Variants in DIP2C observed in about 807,000 individuals in gnomAD.
DIP2C encodes the protein disco-interacting protein 2 homolog C.
DIP2C carries 33 observed loss-of-function variants against 192.4 expected under a neutral mutation model. The observed-to-expected ratio is 0.17, with a 90% confidence interval of 0.13 to 0.23. The LOEUF is 0.23. DIP2C is among the 10% of genes least tolerant of loss of function. The pLI, the probability that DIP2C is intolerant of heterozygous loss-of-function variation, is 1.00. For synonymous variants in DIP2C, 979 were observed against 864.1 expected, an observed-to-expected ratio of 1.13 and a Z score of -2.33; for missense variants, 1,537 against 2,110.1, an observed-to-expected ratio of 0.73 and a Z score of 5.32.
At chr10:512,924 A>AG (rs1479984577) in intron 1 of DIP2C, among the ~76,000 whole-genome samples, 1 of 115,730 alleles carries the variant, frequency 8.6e-6, no homozygotes, top group Non-Finnish European at 1.7e-5. Flanking sequence ...CACTTCAGGA[A>AG]AAAAAAAAAA....
intron 1 of DIP2C, among the ~76,000 whole-genome samples, chr10:626,240 G>A (rs912249415): frequency 5.3e-5 from 8 of 152,298 alleles, no homozygotes; most frequent in Middle Eastern, 3.4e-3. Context: ...AAACTGGGGC[G>A]GAAACACCAG....
chr10:318,152 G>A (rs1228339748), intron 31 of DIP2C, among the ~76,000 whole-genome samples: 2 of 152,150 alleles, frequency 1.3e-5, no homozygotes, highest in Admixed American at 6.5e-5. Flanking sequence ...CGAAAGGGAG[G>A]GGTGGGAGCA....
At chr10:290,173 G>A (rs1955418055) in intron 32 of DIP2C, among the ~76,000 whole-genome samples, 1 of 152,204 alleles carries the variant, frequency 6.6e-6, no homozygotes, top group Non-Finnish European at 1.5e-5. Context: ...CAGATCAGAT[G>A]ACAACCATTA....
chr10:650,848 T>C (rs1855838736), intron 1 of DIP2C: 2 of 716,282 alleles, frequency 2.8e-6, no homozygotes, highest in Non-Finnish European at 5.2e-6. Flanking sequence ...CCCCCACTTG[T>C]GAGAGGTCCG....
intron 32 of DIP2C, among the ~76,000 whole-genome samples, chr10:297,538 G>A (rs950271058): frequency 3.9e-5 from 6 of 152,140 alleles, no homozygotes; most frequent in African/African-American, 7.2e-5. Flanking sequence ...GGACGGAAGC[G>A]CAGGACACTA....
At chr10:353,071 A>G (rs1958901209) in intron 24 of DIP2C, among the ~76,000 whole-genome samples, 1 of 152,164 alleles carries the variant, frequency 6.6e-6, no homozygotes, top group Non-Finnish European at 1.5e-5. Context: ...CCTGAAACCC[A>G]CCAGCTAAGA....
chr10:338,388 T>TC (rs1957974908), intron 29 of DIP2C, among the ~76,000 whole-genome samples: 1 of 150,754 alleles, frequency 6.6e-6, no homozygotes, highest in Non-Finnish European at 1.5e-5. Flanking sequence ...CAACCTCCAC[T>TC]CCTGCCAGCT....
chr10:332,942 G>A (rs895193797), intron 29 of DIP2C, among the ~76,000 whole-genome samples: 14 of 152,146 alleles, frequency 9.2e-5, no homozygotes, highest in Admixed American at 3.3e-4. Flanking sequence ...TCACTCCGTC[G>A]CCCAGGTTGG....
At chr10:414,256 G>A in intron 7 of DIP2C, 146 bp from the exon 8 acceptor site, 1 of 1,027,784 alleles carries the variant, frequency 9.7e-7, no homozygotes, top group Non-Finnish European at 1.4e-6. Context: ...CTAGAATTGG[G>A]GTCTATACAC....
chr10:312,757 T>G (rs1299446108), intron 31 of DIP2C, among the ~76,000 whole-genome samples: 2 of 152,288 alleles, frequency 1.3e-5, no homozygotes, highest in Admixed American at 6.5e-5. Flanking sequence ...CCAATAAAGG[T>G]GTGTATGCTC....
At chr10:403,872 T>C (rs1430058160) in intron 9 of DIP2C, among the ~76,000 whole-genome samples, 1 of 98,560 alleles carries the variant, frequency 1.0e-5, no homozygotes, top group Non-Finnish European at 2.1e-5. Flanking sequence ...GCATTAGCAT[T>C]ACTCTTCCTT....
intron 17 of DIP2C, chr10:369,865 A>G (rs1960751602): frequency 7.4e-7 from 1 of 1,357,050 alleles, no homozygotes; most frequent in Non-Finnish European, 9.8e-7. Context: ...TCCCAAGAAC[A>G]CCCGTAAACT....
chr10:527,883 TCAC>T (rs1847149323), intron 1 of DIP2C, among the ~76,000 whole-genome samples: 1 of 152,134 alleles, frequency 6.6e-6, no homozygotes, highest in Non-Finnish European at 1.5e-5. Context: ...AGCCAGTTGT[TCAC>T]CAACATCCAT....
At chr10:658,293 G>T (rs1427642864) in intron 1 of DIP2C, among the ~76,000 whole-genome samples, 2 of 147,390 alleles carry the variant, frequency 1.4e-5, no homozygotes, top group Middle Eastern at 3.3e-3. Context: ...CCCTGGACCT[G>T]TCCCTGGACC....
chr10:376,223 C>G (rs1432917500), intron 17 of DIP2C, among the ~76,000 whole-genome samples: 2 of 151,318 alleles, frequency 1.3e-5, no homozygotes, highest in East Asian at 2.0e-4. Context: ...GCGAGAGCAG[C>G]GAGATGGGGA....
chr10:683,588 C>T (rs532452908), intron 1 of DIP2C, among the ~76,000 whole-genome samples: 19 of 152,236 alleles, frequency 1.2e-4, no homozygotes, highest in Non-Finnish European at 2.6e-4. Context: ...ACAAAATGCC[C>T]GTCTTTCCAG....
chr10:488,451 T>TCA (rs1844177943), intron 1 of DIP2C, among the ~76,000 whole-genome samples: 2 of 152,232 alleles, frequency 1.3e-5, no homozygotes, highest in African/African-American at 2.4e-5. Flanking sequence ...CTCACGTTCC[T>TCA]CACCCAGGAC....
intron 5 of DIP2C, among the ~76,000 whole-genome samples, chr10:422,360 TCATA>T (rs776692079): frequency 6.2e-4 from 94 of 152,294 alleles, no homozygotes; most frequent in Non-Finnish European, 1.2e-3. Context: ...GTGCTTTTTC[TCATA>T]CAGAGTATCT....
At position 341,243 on chromosome 10, in the gene DIP2C, C is replaced by T. The variant is rs1011643399; in HGVS notation, c.3540G>A (p.Leu1180=). Residue 1180 remains leucine, a synonymous_variant, in exon 29 of 37, where the codon CTG becomes CTA. Coordinates refer to ENST00000280886, the MANE Select transcript of DIP2C (RefSeq NM_014974.3). ...CAAATCCCAGTCCACAGTAAGGGTCCAGGCAGATGGCCACTTCTCTAGAGG... is the reference window on the plus strand; with the variant it reads ...CAAATCCCAGTCCACAGTAAGGGTCTAGGCAGATGGCCACTTCTCTAGAGG... The part of the protein sequence containing the change: ...LYPSREVAIC[L]DPYCGLGFVL... The T allele has an allele frequency of 5.0e-6, 8 of 1,614,204 alleles. No individual in the cohort carries two copies. Among genetic ancestry groups the T allele is most frequent in the Non-Finnish European group, 6.8e-6 (8 of 1,180,040 alleles).
Sources: gnomAD v4.1 joint callset for allele counts (sites outside exome capture counted in the v4.1 genomes callset) on GRCh38, gnomAD v4.1.1 for gene constraint, MANE v1.5 for transcripts, NCBI Gene and HGNC (gene_info 2026-07-23, HGNC 2026-07-21) for gene names.